Variants in THSD4 observed in about 807,000 individuals in gnomAD.
THSD4 encodes thrombospondin type-1 domain-containing protein 4.
In THSD4, 69 loss-of-function variants were observed where a neutral mutation model predicts 119.0. That is an observed-to-expected ratio of 0.58 (90% CI 0.48 to 0.71). The LOEUF (loss-of-function observed/expected upper bound fraction) is 0.71, where lower values mean the gene tolerates loss of function less well. Ranked by LOEUF, THSD4 falls within the 30% of genes least tolerant of loss-of-function variation. The pLI, the probability that THSD4 is intolerant of heterozygous loss-of-function variation, is 0.00. For missense variants in THSD4, 1,393 were observed against 1,391.1 expected, an observed-to-expected ratio of 1.00 and a Z score of -0.02; for synonymous variants, 524 against 540.4, an observed-to-expected ratio of 0.97 and a Z score of 0.42.
At chr15:71,492,400 G>A (rs2047933418) in intron 7 of THSD4, among the ~76,000 whole-genome samples, 1 of 151,988 alleles carries the variant, frequency 6.6e-6, no homozygotes, top group Non-Finnish European at 1.5e-5. Flanking sequence ...AAGCAGCTGG[G>A]ACCACAGGTG....
chr15:71,592,000 C>G (rs1271438460), intron 7 of THSD4, among the ~76,000 whole-genome samples: 2 of 152,130 alleles, frequency 1.3e-5, no homozygotes, highest in Non-Finnish European at 2.9e-5. Context: ...GATGTTAATG[C>G]CCCTCATTTT....
At chr15:71,198,200 G>A (rs962331021) in intron 3 of THSD4, among the ~76,000 whole-genome samples, 3 of 152,240 alleles carry the variant, frequency 2.0e-5, no homozygotes, top group African/African-American at 7.2e-5. Flanking sequence ...TTTTGAAGCT[G>A]CAGTGAGCTA....
intron 3 of THSD4, among the ~76,000 whole-genome samples, chr15:71,180,814 G>C (rs1428121380): frequency 2.0e-5 from 3 of 152,058 alleles, no homozygotes; most frequent in African/African-American, 7.2e-5. Flanking sequence ...AACCTTCCAG[G>C]GTGTTGGAAA....
At chr15:71,774,876 G>A (rs71395030) in intron 17 of THSD4, among the ~76,000 whole-genome samples, 9,595 of 152,254 alleles carry the variant, frequency 0.063, 354 homozygotes, top group East Asian at 0.15. Context: ...GCTGGGCGAC[G>A]TGACTCACAC....
intron 7 of THSD4, among the ~76,000 whole-genome samples, chr15:71,530,552 C>T (rs1421319541): frequency 1.3e-5 from 2 of 152,058 alleles, no homozygotes; most frequent in African/African-American, 4.8e-5. Context: ...TTTAAAAGCC[C>T]CAATCATTCA....
At chr15:71,232,961 C>T (rs910175865) in intron 4 of THSD4, among the ~76,000 whole-genome samples, 1 of 152,114 alleles carries the variant, frequency 6.6e-6, no homozygotes, top group African/African-American at 2.4e-5. Flanking sequence ...TGGGAATGCG[C>T]ACTGGGGTGT....
At chr15:71,196,960 G>A (rs1468478178) in intron 3 of THSD4, among the ~76,000 whole-genome samples, 1 of 152,152 alleles carries the variant, frequency 6.6e-6, no homozygotes, top group Admixed American at 6.5e-5. Flanking sequence ...CCTGCATGAA[G>A]GTGGAAGGAC....
rs544854618 is a variant in THSD4 at position 71,348,758 on chromosome 15, G to C, written c.1016-62929G>C. Among the ~76,000 whole-genome samples the C allele has an allele frequency of 5.3e-4, 81 of 152,326 alleles. No individual in the cohort carries two copies. In the South Asian group the frequency reaches 0.016, roughly 30 times the overall value. On this transcript the variant is annotated intron_variant, in intron 6 of 17. Coordinates refer to ENST00000261862, the MANE Select transcript of THSD4 (RefSeq NM_024817.3). ...CAAAAACCAAATTTACCTGCTAAAGGATGAGCTATTTAAAAGGAATGTGTC... is the reference window on the plus strand; with the variant it reads ...CAAAAACCAAATTTACCTGCTAAAGCATGAGCTATTTAAAAGGAATGTGTC...
At chr15:71,198,909 C>T (rs193082738) in intron 3 of THSD4, among the ~76,000 whole-genome samples, 4 of 152,354 alleles carry the variant, frequency 2.6e-5, no homozygotes, top group African/African-American at 7.2e-5. Flanking sequence ...ACTTGGCCAG[C>T]CCTAGTCTGA....
intron 1 of THSD4, among the ~76,000 whole-genome samples, chr15:71,101,463 C>T (rs2040253225): frequency 6.6e-6 from 1 of 152,100 alleles, no homozygotes; most frequent in South Asian, 2.1e-4. Flanking sequence ...TCACATATTT[C>T]AAAGAACTTA....
intron 8 of THSD4, among the ~76,000 whole-genome samples, chr15:71,716,858 C>G (rs1449683385): frequency 3.3e-5 from 5 of 152,178 alleles, no homozygotes. Context: ...GGACTTTCCT[C>G]ATGTAGAATC....
rs567228052 is a variant in THSD4, at chr15:71,660,409, C to T, written c.1153-121C>T. 1.5e-5 allele frequency: 18 copies of T among 1,239,586 alleles called. No homozygotes were observed. In the African/African-American group the frequency reaches 1.8e-4, roughly 12 times the overall value. The allele number at this position is 1,239,586 out of a possible 1,614,324, so 76.8% of individuals were successfully genotyped here. ...ACCGTCTGTGGCTCCCACCCCACTC[C>T]TAGAATATACATTTCGTAAATAGCT... On this transcript the variant is annotated intron_variant, in intron 7 of 17. Coordinates refer to ENST00000261862, the MANE Select transcript of THSD4 (RefSeq NM_024817.3).
At position 71,671,262 on chromosome 15, in the gene THSD4, G is replaced by T. The variant is rs1010835495; in HGVS notation, c.1357+10528G>T. ...ATGGTGAGCATTTTTTCATGTGTCT[G>T]TTGGCTGCATAAATGTTTTCTTTTG... On this transcript the variant is annotated intron_variant, in intron 8 of 17. Coordinates refer to ENST00000261862, the MANE Select transcript of THSD4 (RefSeq NM_024817.3). 9.2e-5 allele frequency among the ~76,000 whole-genome samples: 14 copies of T among 152,266 alleles called. No individual in the cohort carries two copies. The South Asian group carries it at 1.9e-3, about 20-fold the overall frequency.
intron 6 of THSD4, among the ~76,000 whole-genome samples, chr15:71,290,344 T>C (rs1272291582): frequency 6.6e-6 from 1 of 152,220 alleles, no homozygotes; most frequent in Non-Finnish European, 1.5e-5. Flanking sequence ...GTGGGTTCTA[T>C]TTGCAACAGA....
In THSD4 at chr15:71,463,663, A is replaced by G. The variant is rs564679183; in HGVS notation, c.1152+51840A>G. ...TCCTGGGTCAGCCTAGGGAACTTCTAGGTTCACAAAGATCTATCTATTGAC... is the reference window on the plus strand; with the variant it reads ...TCCTGGGTCAGCCTAGGGAACTTCTGGGTTCACAAAGATCTATCTATTGAC... On this transcript the variant is annotated intron_variant, in intron 7 of 17. Transcript: ENST00000261862. Among the ~76,000 whole-genome samples the G allele has an allele frequency of 1.1e-4, 16 of 152,300 alleles. No individual in the cohort carries two copies. In the East Asian group the frequency reaches 3.1e-3, roughly 29 times the overall value.
intron 7 of THSD4, among the ~76,000 whole-genome samples, chr15:71,461,530 T>G (rs2047427986): frequency 6.6e-6 from 1 of 152,120 alleles, no homozygotes; most frequent in South Asian, 2.1e-4. Context: ...AGTAGAAAAT[T>G]TCCATAGTGT....
intron 6 of THSD4, among the ~76,000 whole-genome samples, chr15:71,309,344 A>G (rs777670542): frequency 3.3e-5 from 5 of 152,164 alleles, no homozygotes; most frequent in Non-Finnish European, 5.9e-5. Flanking sequence ...CTATCTATAA[A>G]TTAGGTTGCC....
chr15:71,235,920 T>C (rs2044101460), intron 4 of THSD4, among the ~76,000 whole-genome samples: 1 of 152,176 alleles, frequency 6.6e-6, no homozygotes, highest in Non-Finnish European at 1.5e-5. Flanking sequence ...GCTATAAAAC[T>C]CAGGACCTTC....
chr15:71,694,048 G>A (rs1394193067), intron 8 of THSD4, among the ~76,000 whole-genome samples: 1 of 151,896 alleles, frequency 6.6e-6, no homozygotes. Context: ...AGAAAGAAAA[G>A]CCAGTGTCAA....
Sources: gnomAD v4.1 joint callset for allele counts (sites outside exome capture counted in the v4.1 genomes callset) on GRCh38, gnomAD v4.1.1 for gene constraint, MANE v1.5 for transcripts, NCBI Gene and HGNC (gene_info 2026-07-23, HGNC 2026-07-21) for gene names.